Variants in PTPRM observed in about 807,000 individuals in gnomAD.
The protein encoded by PTPRM is receptor-type tyrosine-protein phosphatase mu.
A neutral mutation model predicts 186.7 loss-of-function variants in PTPRM; 47 were observed. That is an observed-to-expected ratio of 0.25 (90% CI 0.20 to 0.32). PTPRM has a LOEUF of 0.32. Ranked by LOEUF, PTPRM falls within the 10% of genes least tolerant of loss-of-function variation. The pLI is 1.00. For synonymous variants in PTPRM, 668 were observed against 674.9 expected (o/e 0.99, Z 0.16); for missense variants, 1,494 against 1,865.0 (o/e 0.80, Z 3.66).
chr18:8,121,598 G>A (rs193193716), intron 13 of PTPRM, among the ~76,000 whole-genome samples: 450 of 152,180 alleles, frequency 3.0e-3, no homozygotes, highest in African/African-American at 0.01. Flanking sequence ...AAGGCAATTC[G>A]TAGTTTCTAT....
chr18:8,096,623 T>G (rs1012265264), intron 11 of PTPRM, among the ~76,000 whole-genome samples: 7 of 152,184 alleles, frequency 4.6e-5, no homozygotes, highest in African/African-American at 1.7e-4. Context: ...AGATTGCAAA[T>G]GCCTGCACTG....
rs796602084 is a variant in PTPRM, at chr18:8,093,648, C to A, written c.1856+4797C>A. Among the ~76,000 whole-genome samples the A allele has an allele frequency of 2.0e-5, 3 of 152,218 alleles. No individual in the cohort carries two copies. The South Asian group carries it at 6.2e-4, about 32-fold the overall frequency. ...ATAAATAATTAGCAAACTCCCCTGA[C>A]CCCAAATCTATATAATAACTCAGAA... On this transcript the variant is annotated intron_variant, in intron 11 of 32. Coordinates refer to ENST00000580170, the MANE Select transcript of PTPRM (RefSeq NM_001105244.2).
At chr18:8,064,891 A>G (rs1482383427) in intron 7 of PTPRM, among the ~76,000 whole-genome samples, 1 of 152,158 alleles carries the variant, frequency 6.6e-6, no homozygotes. Context: ...AAAGGGAGCT[A>G]TTGCTTTATT....
intron 1 of PTPRM, among the ~76,000 whole-genome samples, chr18:7,740,556 C>T (rs1418920642): frequency 6.6e-6 from 1 of 152,170 alleles, no homozygotes; most frequent in Admixed American, 6.5e-5. Flanking sequence ...GTAGCTGGGA[C>T]TCCAAGCATG....
At position 7,652,453 on chromosome 18, in the gene PTPRM, C is replaced by T. The variant is rs147787599; in HGVS notation, c.73+84562C>T. Among the ~76,000 whole-genome samples the T allele has an allele frequency of 5.9e-5, 9 of 152,078 alleles. No homozygotes were observed. The South Asian group carries it at 1.0e-3, about 18-fold the overall frequency. ...ATGCTGCTATAAAGACACATGCAAA[C>T]GTATGTTTATTGCGGCACTATTCAC... is the stretch of plus-strand genomic sequence containing the variant. On this transcript the variant is annotated intron_variant, in intron 1 of 32. Coordinates refer to ENST00000580170, the MANE Select transcript of PTPRM (RefSeq NM_001105244.2).
chr18:7,764,152 G>A (rs916578716), intron 1 of PTPRM, among the ~76,000 whole-genome samples: 3 of 152,022 alleles, frequency 2.0e-5, no homozygotes, highest in African/African-American at 4.8e-5. Flanking sequence ...CATCTGAGAG[G>A]TGTTTATGAC....
intron 1 of PTPRM, among the ~76,000 whole-genome samples, chr18:7,605,086 A>C (rs2037497640): frequency 6.6e-6 from 1 of 152,188 alleles, no homozygotes; most frequent in African/African-American, 2.4e-5. Flanking sequence ...TCTGGCAGGG[A>C]TGTCTGATCT....
intron 7 of PTPRM, among the ~76,000 whole-genome samples, chr18:8,007,195 G>C (rs894143437): frequency 1.3e-5 from 2 of 152,154 alleles, no homozygotes; most frequent in African/African-American, 4.8e-5. Flanking sequence ...TAATGGATCT[G>C]TTTCTTGAGC....
chr18:7,965,298 G>C (rs2053959906), intron 7 of PTPRM, among the ~76,000 whole-genome samples: 2 of 152,054 alleles, frequency 1.3e-5, no homozygotes, highest in South Asian at 4.1e-4. Flanking sequence ...TACCCGCCTT[G>C]GCCTCCCAAA....
intron 7 of PTPRM, among the ~76,000 whole-genome samples, chr18:8,045,039 A>G (rs964157944): frequency 6.6e-6 from 1 of 152,128 alleles, no homozygotes; most frequent in Non-Finnish European, 1.5e-5. Flanking sequence ...ATGTGAAAAC[A>G]TATGTCCACA....
intron 2 of PTPRM, among the ~76,000 whole-genome samples, chr18:7,859,285 T>C (rs902339468): frequency 2.0e-5 from 3 of 152,222 alleles, no homozygotes; most frequent in Non-Finnish European, 4.4e-5. Flanking sequence ...AGGATCTTCT[T>C]GGCCATTCTT....
At chr18:7,605,119 GGAA>G (rs1484414323) in intron 1 of PTPRM, among the ~76,000 whole-genome samples, 1 of 152,098 alleles carries the variant, frequency 6.6e-6, no homozygotes, top group Non-Finnish European at 1.5e-5. Context: ...GGGCCGTGTT[GGAA>G]GAAGAGCTGT....
chr18:8,296,901 G>A (rs933533561), intron 20 of PTPRM, among the ~76,000 whole-genome samples: 3 of 152,136 alleles, frequency 2.0e-5, no homozygotes, highest in Non-Finnish European at 4.4e-5. Context: ...TTTAAGGACA[G>A]GAAACTGAAA....
chr18:8,266,254 A>C (rs542586534), intron 19 of PTPRM, among the ~76,000 whole-genome samples: 1 of 151,998 alleles, frequency 6.6e-6, no homozygotes, highest in South Asian at 2.1e-4. Context: ...TGATGTCTCT[A>C]ATCCCTACTC....
At chr18:8,221,625 CTTG>C (rs1387802599) in intron 14 of PTPRM, among the ~76,000 whole-genome samples, 1 of 152,282 alleles carries the variant, frequency 6.6e-6, no homozygotes, top group African/African-American at 2.4e-5. Flanking sequence ...TGGCATTTGC[CTTG>C]TTTGAACAGT....
At chr18:8,392,543 C>T (rs533328946) in intron 31 of PTPRM, among the ~76,000 whole-genome samples, 1 of 151,824 alleles carries the variant, frequency 6.6e-6, no homozygotes, top group South Asian at 2.1e-4. Context: ...AGGAGAATGG[C>T]GTGAACCCAG....
At chr18:7,777,418 A>G (rs1398952067) in intron 2 of PTPRM, among the ~76,000 whole-genome samples, 2 of 152,244 alleles carry the variant, frequency 1.3e-5, no homozygotes, top group African/African-American at 2.4e-5. Context: ...ACACACAGCC[A>G]TGCCCATTTG....
rs140906451 is a variant in PTPRM at position 8,173,294 on chromosome 18, G to A, written c.2300+29515G>A. 3.6e-3 allele frequency among the ~76,000 whole-genome samples: 545 copies of A among 152,264 alleles called. 2 individuals carry two copies. Among genetic ancestry groups the A allele is most frequent in the African/African-American group, 0.012 (495 of 41,552 alleles). ...TTATGTTGAAATTTTCAGATATAAT[G>A]GTAATGATATATATGCTGTTGGAAC... On this transcript the variant is annotated intron_variant, in intron 14 of 32. Coordinates refer to ENST00000580170, the MANE Select transcript of PTPRM (RefSeq NM_001105244.2).
intron 1 of PTPRM, among the ~76,000 whole-genome samples, chr18:7,614,624 C>T (rs1359933396): frequency 6.6e-6 from 1 of 152,154 alleles, no homozygotes; most frequent in Non-Finnish European, 1.5e-5. Flanking sequence ...TTTATCATCC[C>T]CAACCAAAAC....
Sources: gnomAD v4.1 joint callset for allele counts (sites outside exome capture counted in the v4.1 genomes callset) on GRCh38, gnomAD v4.1.1 for gene constraint, MANE v1.5 for transcripts, NCBI Gene and HGNC (gene_info 2026-07-23, HGNC 2026-07-21) for gene names.